ADAMTSL3: variants seen among roughly 807,000 people sequenced by gnomAD.
ADAMTSL3 encodes the protein ADAMTS like 3.
ADAMTSL3 carries 128 observed loss-of-function variants against 201.7 expected under a neutral mutation model. The observed-to-expected ratio is 0.63, with a 90% CI of 0.55 to 0.73. The LOEUF is 0.73. Ranked by LOEUF, ADAMTSL3 falls within the 30% of genes least tolerant of loss-of-function variation. The pLI is 0.00. For missense variants in ADAMTSL3, 1,990 were observed against 2,119.6 expected (o/e 0.94, Z 1.20); for synonymous variants, 738 against 748.4 (o/e 0.99, Z 0.23).
chr15:83,758,218 A>G (rs75054717), intron 3 of ADAMTSL3, among the ~76,000 whole-genome samples: 1,618 of 152,330 alleles, frequency 0.011, 24 homozygotes, highest in African/African-American at 0.036. Context: ...TGGGTAATTT[A>G]TAAGTAAAAA....
At chr15:83,926,972 A>G (rs1460789196) in intron 17 of ADAMTSL3, among the ~76,000 whole-genome samples, 1 of 152,030 alleles carries the variant, frequency 6.6e-6, no homozygotes, top group Non-Finnish European at 1.5e-5. Flanking sequence ...TGTAGCCATG[A>G]ATATCAGTTC....
rs75833400 is a variant in ADAMTSL3 at position 83,892,587 on chromosome 15, A to C, written c.1263-97A>C. 2,650 of 1,226,234 alleles carry C rather than the reference A, an allele frequency of 2.2e-3. 52 individuals carry two copies. In the African/African-American group the frequency reaches 0.036, roughly 17 times the overall value. 76.0% of individuals were successfully genotyped at this position (1,226,234 alleles called of 1,614,324 possible). A position where few individuals can be genotyped will look rare whatever the true frequency, so the allele number is the denominator to read the frequency against. On this transcript the variant is annotated intron_variant, in intron 12 of 29. Transcript: ENST00000286744. ...AGTCCCAGGCTCATTCAGCTGAACC[A>C]CAATTGATACCTTAAGGCCATACTT... is the stretch of plus-strand genomic sequence containing the variant.
At chr15:83,666,296 G>A (rs1360416552) in intron 2 of ADAMTSL3, among the ~76,000 whole-genome samples, 1 of 152,084 alleles carries the variant, frequency 6.6e-6, no homozygotes, top group African/African-American at 2.4e-5. Flanking sequence ...TCACTACTGA[G>A]TGTTGAAATG....
rs375952407 is a variant in ADAMTSL3 at position 83,892,307 on chromosome 15, G to A, written c.1263-377G>A. ...AGCACTTTGGGATGCTGAGGCAGGC[G>A]GATCACGAGGTCAGGAGTTCTAGAT... is the stretch of plus-strand genomic sequence containing the variant. On this transcript the variant is annotated intron_variant, in intron 12 of 29. Transcript: ENST00000286744. Among the ~76,000 whole-genome samples the A allele has an allele frequency of 1.1e-4, 16 of 151,836 alleles. 1 individual carries two copies. In the South Asian group the frequency reaches 1.9e-3, roughly 18 times the overall value.
intron 13 of ADAMTSL3, among the ~76,000 whole-genome samples, chr15:83,893,953 CTATT>C (rs1793931370): frequency 6.6e-6 from 1 of 152,126 alleles, no homozygotes; most frequent in South Asian, 2.1e-4. Context: ...ATTAATATAT[CTATT>C]CATATATTTA....
At chr15:83,902,313 C>T (rs2065741780) in intron 15 of ADAMTSL3, among the ~76,000 whole-genome samples, 1 of 152,136 alleles carries the variant, frequency 6.6e-6, no homozygotes, top group Non-Finnish European at 1.5e-5. Flanking sequence ...CTCTGTTGCC[C>T]AGGCTGGAGT....
rs771864964 is a variant in ADAMTSL3, at chr15:84,016,371, T to C, written c.4157-12T>C. 32 of 1,609,144 alleles carry C rather than the reference T, an allele frequency of 2.0e-5. No individual in the cohort carries two copies. The Admixed American group carries it at 5.3e-4, about 27-fold the overall frequency. ...TCTAACTGGTAAAAGTGCTACTTTT[T>C]TTTTTCCTCAGAACGAAGATGGCCA... On this transcript the variant is annotated splice_polypyrimidine_tract_variant and intron_variant, in intron 24 of 29. Coordinates refer to ENST00000286744, the MANE Select transcript of ADAMTSL3 (RefSeq NM_207517.3).
intron 2 of ADAMTSL3, among the ~76,000 whole-genome samples, chr15:83,692,613 G>C (rs2061626721): frequency 1.3e-5 from 2 of 149,686 alleles, no homozygotes; most frequent in South Asian, 4.2e-4. Flanking sequence ...ATGAACCTGA[G>C]AGGCAGAGTT....
intron 2 of ADAMTSL3, among the ~76,000 whole-genome samples, chr15:83,658,326 CT>C (rs1257260729): frequency 6.6e-6 from 1 of 152,200 alleles, no homozygotes; most frequent in Non-Finnish European, 1.5e-5. Flanking sequence ...CCAGGCTGGT[CT>C]CGAACTCCTG....
At chr15:83,821,995 G>A (rs2063878601) in intron 6 of ADAMTSL3, among the ~76,000 whole-genome samples, 1 of 142,032 alleles carries the variant, frequency 7.0e-6, no homozygotes, top group African/African-American at 2.6e-5. Flanking sequence ...GGCCGGGCGG[G>A]TTGCTGACCT....
chr15:83,833,106 A>G (rs908631129), intron 6 of ADAMTSL3, among the ~76,000 whole-genome samples: 2 of 152,214 alleles, frequency 1.3e-5, no homozygotes, highest in Admixed American at 6.5e-5. Flanking sequence ...TCAAGTAGGT[A>G]CAGTATTTAT....
chr15:83,842,722 T>C (rs553955965), intron 7 of ADAMTSL3, among the ~76,000 whole-genome samples: 4 of 152,256 alleles, frequency 2.6e-5, no homozygotes, highest in African/African-American at 9.6e-5. Context: ...AACCAAAGTT[T>C]TAGGACTCAG....
chr15:83,790,071 A>G (rs2063321644), intron 4 of ADAMTSL3, among the ~76,000 whole-genome samples: 3 of 151,798 alleles, frequency 2.0e-5, no homozygotes, highest in African/African-American at 7.3e-5. Context: ...CATAATTATT[A>G]CAGAAAATTG....
At chr15:83,825,686 G>T (rs182210821) in intron 6 of ADAMTSL3, among the ~76,000 whole-genome samples, 1 of 152,064 alleles carries the variant, frequency 6.6e-6, no homozygotes, top group Non-Finnish European at 1.5e-5. Context: ...TGGATAAGGT[G>T]ATGTTTGGAC....
intron 17 of ADAMTSL3, among the ~76,000 whole-genome samples, chr15:83,935,818 A>T (rs2066450461): frequency 6.6e-6 from 1 of 152,152 alleles, no homozygotes; most frequent in African/African-American, 2.4e-5. Flanking sequence ...CTTATGCAGC[A>T]GGTGTCAACA....
chr15:83,695,015 GT>G (rs1472972803), intron 2 of ADAMTSL3, among the ~76,000 whole-genome samples: 1 of 151,986 alleles, frequency 6.6e-6, no homozygotes, highest in African/African-American at 2.4e-5. Flanking sequence ...GGATGTGGGA[GT>G]CAGTGTGTGT....
At chr15:83,941,377 G>A (rs961203779) in intron 17 of ADAMTSL3, among the ~76,000 whole-genome samples, 1 of 151,696 alleles carries the variant, frequency 6.6e-6, no homozygotes, top group East Asian at 1.9e-4. Flanking sequence ...TCCAATATGA[G>A]TGCTTATTTT....
rs1471348742 is a variant in ADAMTSL3, at chr15:83,773,618, A to C, written c.285A>C (p.Ala95=). ...SDCSRTCGGG[A]SYSLRRCLTG... ...GCTCCCGGACCTGTGGGGGAGGAGCATCATATTCTCTGCGGAGATGTTTGA... is the reference window on the plus strand; with the variant it reads ...GCTCCCGGACCTGTGGGGGAGGAGCCTCATATTCTCTGCGGAGATGTTTGA... The change falls in exon 4 of 30, where the codon GCA becomes GCC. Residue 95 remains alanine (A), a synonymous_variant. Transcript: ENST00000286744. 1 of 1,611,624 alleles carries C rather than the reference A, an allele frequency of 6.2e-7. No individual in the cohort carries two copies. Among genetic ancestry groups the C allele is most frequent in the Non-Finnish European group, 8.5e-7 (1 of 1,179,472 alleles).
Position 83,936,687 on chromosome 15 carries a change from TTCTGCAC to T in ADAMTSL3, c.2118-5908_2118-5902del, listed in dbSNP as rs2066466324. On this transcript the variant is annotated intron_variant, in intron 17 of 29. Coordinates refer to ENST00000286744, the MANE Select transcript of ADAMTSL3 (RefSeq NM_207517.3). ...ATGAGACGTAATTAAACTAAAGAGC[TTCTGCAC>T]AGCAAAAGAAACTATCAACAGAGTA... Among the ~76,000 whole-genome samples, 2 of 150,906 alleles carry T rather than the reference TTCTGCAC, an allele frequency of 1.3e-5. 1 individual carries two copies. Among genetic ancestry groups the T allele is most frequent in the African/African-American group, 5.0e-5 (2 of 40,316 alleles).
Sources: gnomAD v4.1 joint callset for allele counts (sites outside exome capture counted in the v4.1 genomes callset) on GRCh38, gnomAD v4.1.1 for gene constraint, MANE v1.5 for transcripts, NCBI Gene and HGNC (gene_info 2026-07-23, HGNC 2026-07-21) for gene names.